The following CTTNBP2 variants were observed in gnomAD, a reference collection of about 807,000 sequenced individuals.
The protein encoded by CTTNBP2 is cortactin binding protein 2, also known as cortactin-binding protein 2.
Under a neutral mutation model 156.9 loss-of-function variants are expected in CTTNBP2, and 108 were observed. The observed-to-expected ratio is 0.69, with a 90% CI of 0.59 to 0.81. The LOEUF (loss-of-function observed/expected upper bound fraction) is 0.81. Ranked by LOEUF, CTTNBP2 falls within the 30% of genes least tolerant of loss-of-function variation. The pLI, the probability that CTTNBP2 is intolerant of heterozygous loss-of-function variation, is 0.00. For synonymous variants in CTTNBP2, 767 were observed against 751.8 expected (o/e 1.02, Z -0.33); for missense variants, 1,924 against 2,035.4 (o/e 0.95, Z 1.05).
intron 2 of CTTNBP2, among the ~76,000 whole-genome samples, chr7:117,832,960 T>C (rs958482780): frequency 2.0e-5 from 3 of 151,990 alleles, no homozygotes; most frequent in Admixed American, 1.3e-4. Context: ...TTTCACTATG[T>C]TGGCTAGGCT....
Position 117,780,523 on chromosome 7 carries a change from A to G in CTTNBP2, c.2441T>C (p.Leu814Pro). 2 of 1,598,306 alleles carry G rather than the reference A, an allele frequency of 1.3e-6. No homozygotes were observed. The highest frequency in any genetic ancestry group is 1.7e-6 in the Non-Finnish European group (2 of 1,170,000). The change falls in exon 7 of 23, where the codon CTA becomes CCA. Residue 814 changes from leucine to proline, a missense_variant. Physicochemically the swap from Leu to Pro is moderately conservative, Grantham distance 98. Transcript: ENST00000160373. ...NHAADGGQTPLYLACKNGNKE... is the reference protein window; with the variant it reads ...NHAADGGQTPPYLACKNGNKE... ...ATTTCCATTTTTACAGGCCAGGTAT[A>G]GAGGTGTCTGTCCTCCATCAGCAGC... is the stretch of plus-strand genomic sequence containing the variant.
intron 3 of CTTNBP2, among the ~76,000 whole-genome samples, chr7:117,802,383 T>G (rs187330083): frequency 7.8e-6 from 1 of 128,400 alleles, no homozygotes; most frequent in African/African-American, 2.7e-5. Context: ...CATCTCAAAC[T>G]ATAAAAATCC....
intron 22 of CTTNBP2, among the ~76,000 whole-genome samples, chr7:117,716,268 C>T (rs1289009069): frequency 1.3e-5 from 2 of 151,328 alleles, no homozygotes; most frequent in African/African-American, 4.9e-5. Flanking sequence ...ATTGTAGCAA[C>T]TCAATATGGT....
chr7:117,773,011 A>G (rs935039795), intron 8 of CTTNBP2, among the ~76,000 whole-genome samples: 1 of 152,218 alleles, frequency 6.6e-6, no homozygotes, highest in Non-Finnish European at 1.5e-5. Flanking sequence ...ACAATTTTTT[A>G]AAAAAATTAA....
chr7:117,721,239 G>C, intron 19 of CTTNBP2, 109 bp from the exon 20 acceptor site: 1 of 719,572 alleles, frequency 1.4e-6, no homozygotes, highest in Non-Finnish European at 2.4e-6. Flanking sequence ...TACTGTTCTT[G>C]GATTAGTATC....
intron 2 of CTTNBP2, among the ~76,000 whole-genome samples, chr7:117,842,664 A>T (rs748512223): frequency 1.3e-5 from 2 of 152,244 alleles, no homozygotes; most frequent in Non-Finnish European, 2.9e-5. Context: ...ATGGAAGAAG[A>T]AAATAGAGAT....
chr7:117,804,738 G>C (rs117528238), intron 3 of CTTNBP2, among the ~76,000 whole-genome samples: 2,633 of 152,266 alleles, frequency 0.017, 27 homozygotes, highest in South Asian at 0.033. Context: ...CATAGACACA[G>C]GGAGGGGCAC....
At chr7:117,796,530 T>TAAG (rs1357902645) in intron 3 of CTTNBP2, among the ~76,000 whole-genome samples, 1 of 152,238 alleles carries the variant, frequency 6.6e-6, no homozygotes, top group Non-Finnish European at 1.5e-5. Flanking sequence ...ATCCCGAACT[T>TAAG]ACTAGCTGTG....
At chr7:117,802,648 G>T (rs1799698896) in intron 3 of CTTNBP2, among the ~76,000 whole-genome samples, 2 of 152,010 alleles carry the variant, frequency 1.3e-5, no homozygotes, top group South Asian at 2.1e-4. Context: ...TCTGACAAAG[G>T]TCTAACATCC....
At chr7:117,762,641 T>C (rs771208704) in intron 9 of CTTNBP2, among the ~76,000 whole-genome samples, 2 of 152,232 alleles carry the variant, frequency 1.3e-5, no homozygotes, top group African/African-American at 2.4e-5. Context: ...TGACTTCCTA[T>C]AGCTGATTCT....
chr7:117,813,175 C>T (rs1371685349), intron 2 of CTTNBP2, among the ~76,000 whole-genome samples: 1 of 152,158 alleles, frequency 6.6e-6, no homozygotes, highest in African/African-American at 2.4e-5. Context: ...CTATTCTTTT[C>T]CCATGAAGTG....
At chr7:117,841,946 A>G (rs1381748152) in intron 2 of CTTNBP2, among the ~76,000 whole-genome samples, 3 of 152,174 alleles carry the variant, frequency 2.0e-5, no homozygotes, top group Non-Finnish European at 4.4e-5. Flanking sequence ...AACACACTAG[A>G]ACCTAGAGAC....
At position 117,710,804 on chromosome 7, in the gene CTTNBP2, TCATTTATG is replaced by T. The variant is rs1794016536; in HGVS notation, c.*725_*732del. 3 of 152,742 alleles carry T rather than the reference TCATTTATG, an allele frequency of 2.0e-5. No individual in the cohort carries two copies. In the South Asian group the frequency reaches 6.2e-4, roughly 32 times the overall value. 9.5% of individuals were successfully genotyped at this position (152,742 alleles called of 1,614,324 possible). On this transcript the variant is annotated 3_prime_UTR_variant, in exon 23 of 23. Coordinates refer to ENST00000160373, the MANE Select transcript of CTTNBP2 (RefSeq NM_033427.3). ...TTGAAGGAGTTAATTCTGAATTTAT[TCATTTATG>T]CAGTTATCTATATCCACTTAGGTAC...
chr7:117,773,968 G>T (rs1797957561), intron 8 of CTTNBP2, among the ~76,000 whole-genome samples: 1 of 152,116 alleles, frequency 6.6e-6, no homozygotes, highest in African/African-American at 2.4e-5. Flanking sequence ...AAATCTCTGG[G>T]TATATGAACT....
At chr7:117,756,086 T>C (rs1796869190) in intron 12 of CTTNBP2, among the ~76,000 whole-genome samples, 1 of 152,238 alleles carries the variant, frequency 6.6e-6, no homozygotes, top group Admixed American at 6.5e-5. Context: ...GGGACTTATA[T>C]GTTTAAGAAA....
intron 20 of CTTNBP2, among the ~76,000 whole-genome samples, chr7:117,720,522 C>T (rs944972053): frequency 3.9e-5 from 6 of 151,910 alleles, no homozygotes; most frequent in South Asian, 2.1e-4. Flanking sequence ...GGTGAAACGC[C>T]GTCTCTACTA....
At chr7:117,719,707 C>A (rs768858221) in intron 20 of CTTNBP2, 71 bp from the exon 21 acceptor site, 12 of 1,343,796 alleles carry the variant, frequency 8.9e-6, no homozygotes, top group African/African-American at 4.4e-5. Context: ...AGACACTGTA[C>A]CTTTTTTGGG....
rs1433637611 is a variant in CTTNBP2 at position 117,719,574 on chromosome 7, T to C, written c.4574A>G (p.Asp1525Gly). ...NLDQRLSLGS[D>G]DEADLVKELQ... ...TTCCTTGACAAGATCTGCTTCGTCA[T>C]CTGAACCCAGAGAGAGTCTCTGATC... The change falls in exon 21 of 23, where the codon GAT becomes GGT. Residue 1525 changes from aspartate to glycine, a missense_variant. Asp to Gly is a moderately conservative substitution (Grantham distance 94). Transcript: ENST00000160373. 1 of 1,613,900 alleles carries C rather than the reference T, an allele frequency of 6.2e-7. No homozygotes were observed. The highest frequency in any genetic ancestry group is 8.5e-7 in the Non-Finnish European group (1 of 1,179,830).
Position 117,784,373 on chromosome 7 carries a change from G to A in CTTNBP2, c.2150C>T (p.Ala717Val). 6.2e-7 allele frequency: 1 copy of A among 1,613,820 alleles called. No individual in the cohort carries two copies. The highest frequency in any genetic ancestry group is 1.1e-5 in the South Asian group (1 of 91,020). Residue 717 changes from alanine to valine, a missense_variant, in exon 5 of 23, where the codon GCT (alanine) becomes GTT (valine). Ala to Val is a moderately conservative substitution (Grantham distance 64). Transcript: ENST00000160373. ...TAAAGTGACATTTCCCTGGGCAGCA[G>A]CTTGCTGAAGAAGGGTGGGCCTGCC... ...LAGRPTLLQQAAAQGNVTLLS... is the reference protein window; with the variant it reads ...LAGRPTLLQQVAAQGNVTLLS...
Sources: gnomAD v4.1 joint callset for allele counts (sites outside exome capture counted in the v4.1 genomes callset) on GRCh38, gnomAD v4.1.1 for gene constraint, MANE v1.5 for transcripts, NCBI Gene and HGNC (gene_info 2026-07-23, HGNC 2026-07-21) for gene names.